The following SCMH1 variants were observed in gnomAD, a reference collection of about 807,000 sequenced individuals.
The protein encoded by SCMH1 is Scm polycomb group protein homolog 1.
Under a neutral mutation model 70.8 loss-of-function variants are expected in SCMH1, and 37 were observed. That is an observed-to-expected ratio of 0.52 (90% CI 0.40 to 0.69). The LOEUF is 0.69. Among genes scored for constraint, SCMH1 ranks in the 30% least tolerant of loss-of-function variants. The pLI is 0.00. For synonymous variants in SCMH1, 292 were observed against 307.4 expected, an observed-to-expected ratio of 0.95 and a Z score of 0.52; for missense variants, 607 against 827.3, an observed-to-expected ratio of 0.73 and a Z score of 3.27.
At chr1:41,096,636 G>A (rs995559399) in intron 8 of SCMH1, among the ~76,000 whole-genome samples, 2 of 152,084 alleles carry the variant, frequency 1.3e-5, no homozygotes, top group Non-Finnish European at 2.9e-5. Flanking sequence ...AGGCAACTAC[G>A]GCAAAATGAT....
At chr1:41,156,953 CTTTTTTT>C (rs66641047) in intron 4 of SCMH1, among the ~76,000 whole-genome samples, 1 of 110,854 alleles carries the variant, frequency 9.0e-6, no homozygotes, top group Non-Finnish European at 1.8e-5. Flanking sequence ...TATAAGCCAA[CTTTTTTT>C]TTTTTTTTTT....
chr1:41,193,414 G>C (rs1457667939), intron 1 of SCMH1, among the ~76,000 whole-genome samples: 1 of 152,154 alleles, frequency 6.6e-6, no homozygotes. Context: ...AGATTAGTAG[G>C]AAAGATAGCA....
intron 10 of SCMH1, among the ~76,000 whole-genome samples, chr1:41,062,005 C>T (rs1652829349): frequency 1.3e-5 from 2 of 152,118 alleles, no homozygotes; most frequent in South Asian, 4.2e-4. Context: ...GCTAGGACCA[C>T]AGGTGCATGC....
chr1:41,159,820 G>C, intron 4 of SCMH1: 4 of 1,457,610 alleles, frequency 2.7e-6, no homozygotes, highest in Non-Finnish European at 3.6e-6. Flanking sequence ...AGTAAAGTCT[G>C]AGTATAGCCG....
intron 8 of SCMH1, among the ~76,000 whole-genome samples, chr1:41,076,066 C>A (rs1286555547): frequency 6.6e-6 from 1 of 152,190 alleles, no homozygotes; most frequent in Non-Finnish European, 1.5e-5. Context: ...GGTCTAAATT[C>A]TTTAACCTGA....
At chr1:41,037,264 G>T in intron 13 of SCMH1, 98 bp downstream of exon 13, 1 of 1,240,500 alleles carries the variant, frequency 8.1e-7, no homozygotes, top group Non-Finnish European at 1.1e-6. Flanking sequence ...CAGGCAGAGG[G>T]CAACAGAGCT....
rs893759604 is a variant in SCMH1 at position 41,033,976 on chromosome 1, C to G, written c.1678+3386G>C. 23 of 1,614,102 alleles carry G rather than the reference C, an allele frequency of 1.4e-5. No individual in the cohort carries two copies. Among genetic ancestry groups the G allele is most frequent in the Non-Finnish European group, 1.9e-5 (22 of 1,179,980 alleles). The stretch of plus-strand genomic sequence containing the variant: ...GAAGATAAAAATAACAGTAACTCCC[C>G]TCATACCTGGGGAACGATTTAGTTT... On this transcript the variant is annotated intron_variant, in intron 13 of 14. Transcript: ENST00000337495.
At chr1:41,069,757 T>C (rs1423055369) in intron 10 of SCMH1, among the ~76,000 whole-genome samples, 3 of 152,196 alleles carry the variant, frequency 2.0e-5, no homozygotes, top group African/African-American at 7.2e-5. Flanking sequence ...GGCGACACAA[T>C]GGTCAATGAA....
intron 2 of SCMH1, among the ~76,000 whole-genome samples, chr1:41,175,088 A>G (rs994784765): frequency 6.6e-6 from 1 of 152,246 alleles, no homozygotes; most frequent in East Asian, 1.9e-4. Context: ...GGGACGCCCA[A>G]ATAGCTGGTA....
At chr1:41,142,694 C>T (rs1644208548) in intron 6 of SCMH1, among the ~76,000 whole-genome samples, 184 bp downstream of exon 6, 1 of 152,136 alleles carries the variant, frequency 6.6e-6, no homozygotes, top group Non-Finnish European at 1.5e-5. Context: ...ATATCATAAG[C>T]TAATGTAGAG....
At chr1:41,174,610 GAATA>G (rs1646993493) in intron 2 of SCMH1, among the ~76,000 whole-genome samples, 2 of 152,078 alleles carry the variant, frequency 1.3e-5, no homozygotes. Flanking sequence ...AAAAAAAATT[GAATA>G]GATAAGTTAT....
intron 5 of SCMH1, among the ~76,000 whole-genome samples, chr1:41,148,200 T>C (rs1043579598): frequency 2.0e-5 from 3 of 152,320 alleles, no homozygotes; most frequent in Admixed American, 2.0e-4. Context: ...CTTCCTGCCT[T>C]TGTGCTACTC....
intron 10 of SCMH1, among the ~76,000 whole-genome samples, chr1:41,066,641 T>C (rs769535028): frequency 1.3e-4 from 20 of 152,272 alleles, no homozygotes; most frequent in Admixed American, 2.6e-4. Flanking sequence ...TGGTGTGATT[T>C]TGGCTCACTG....
intron 8 of SCMH1, among the ~76,000 whole-genome samples, chr1:41,093,125 A>G (rs559264391): frequency 5.9e-4 from 89 of 152,132 alleles, no homozygotes; most frequent in African/African-American, 2.1e-3. Context: ...AACCAACCCA[A>G]ATGTCCATCA....
intron 6 of SCMH1, among the ~76,000 whole-genome samples, chr1:41,133,891 C>T (rs1436039837): frequency 1.3e-5 from 2 of 152,042 alleles, no homozygotes; most frequent in Non-Finnish European, 2.9e-5. Flanking sequence ...TGAAAGGATT[C>T]GAAGCAAAAG....
chr1:41,122,983 A>G (rs1672309591), intron 6 of SCMH1, among the ~76,000 whole-genome samples: 1 of 152,048 alleles, frequency 6.6e-6, no homozygotes, highest in Non-Finnish European at 1.5e-5. Flanking sequence ...ATTTTGGGAG[A>G]CTGACGCAGG....
At chr1:41,035,996 ATTC>A (rs2148563013) in intron 13 of SCMH1, among the ~76,000 whole-genome samples, 1 of 152,216 alleles carries the variant, frequency 6.6e-6, no homozygotes, top group South Asian at 2.1e-4. Flanking sequence ...ACAATATCAA[ATTC>A]TTCTCACTTT....
intron 1 of SCMH1, among the ~76,000 whole-genome samples, chr1:41,199,753 G>A (rs1403686192): frequency 6.6e-6 from 1 of 152,000 alleles, no homozygotes; most frequent in East Asian, 1.9e-4. Flanking sequence ...GGAGGATGCT[G>A]AAAACTTCCT....
chr1:41,162,878 A>C (rs918136847), intron 2 of SCMH1: 2 of 152,190 alleles, frequency 1.3e-5, no homozygotes, highest in African/African-American at 4.8e-5. Context: ...TCAATACAGC[A>C]CCTCTTCATC....
Sources: gnomAD v4.1 joint callset for allele counts (sites outside exome capture counted in the v4.1 genomes callset) on GRCh38, gnomAD v4.1.1 for gene constraint, MANE v1.5 for transcripts, NCBI Gene and HGNC (gene_info 2026-07-23, HGNC 2026-07-21) for gene names.